Variants in AFTPH observed in about 807,000 individuals in gnomAD.
AFTPH encodes the protein aftiphilin.
Under a neutral mutation model 72.5 loss-of-function variants are expected in AFTPH, and 7 were observed. The observed-to-expected ratio is 0.10, with a 90% confidence interval of 0.05 to 0.18. The LOEUF (loss-of-function observed/expected upper bound fraction) is 0.18. Among genes scored for constraint, AFTPH ranks in the 10% least tolerant of loss-of-function variants. AFTPH has a pLI of 1.00. For synonymous variants in AFTPH, 337 were observed against 370.1 expected (o/e 0.91, Z 1.03); for missense variants, 979 against 1,060.5 (o/e 0.92, Z 1.07).
intron 1 of AFTPH, among the ~76,000 whole-genome samples, chr2:64,534,010 G>GAATCTTTACATTAAAT (rs1306352297): frequency 5.9e-5 from 9 of 152,050 alleles, no homozygotes; most frequent in African/African-American, 1.2e-4. Flanking sequence ...ATTTTAGTGA[G>GAATCTTTACATTAAAT]GCCACAGTTT....
chr2:64,538,111 CT>C (rs912130909), intron 1 of AFTPH, among the ~76,000 whole-genome samples: 113 of 149,470 alleles, frequency 7.6e-4, no homozygotes, highest in Middle Eastern at 6.9e-3. Flanking sequence ...TTTGGCGAAA[CT>C]TTTTTTTTTA....
At chr2:64,532,528 T>G (rs1669684535) in intron 1 of AFTPH, among the ~76,000 whole-genome samples, 1 of 152,008 alleles carries the variant, frequency 6.6e-6, no homozygotes, top group Non-Finnish European at 1.5e-5. Flanking sequence ...ATTTGTGAGG[T>G]GAAATCATTT....
rs375270164 is a variant in AFTPH, at chr2:64,557,687, A to G, written c.1935+4278A>G. 3.7e-4 allele frequency among the ~76,000 whole-genome samples: 56 copies of G among 152,330 alleles called. 2 individuals carry two copies. In the South Asian group the frequency reaches 0.011, roughly 30 times the overall value. On this transcript the variant is annotated intron_variant, in intron 2 of 8. Transcript: ENST00000238856. ...CCTACCTTTTCATCTTCACTTATTT[A>G]GTCATCTAGCTAATATTTATGCAGG...
intron 2 of AFTPH, among the ~76,000 whole-genome samples, chr2:64,561,021 G>A (rs1472409050): frequency 6.6e-6 from 1 of 152,210 alleles, no homozygotes; most frequent in Non-Finnish European, 1.5e-5. Context: ...ATTCAGAATG[G>A]TTTTTGATAG....
chr2:64,556,752 G>A (rs184536349), intron 2 of AFTPH, among the ~76,000 whole-genome samples: 494 of 152,310 alleles, frequency 3.2e-3, no homozygotes, highest in Non-Finnish European at 3.8e-3. Flanking sequence ...TTAAAAAAAT[G>A]TTCGTAGTCT....
chr2:64,543,668 A>C (rs1043732210), intron 1 of AFTPH, among the ~76,000 whole-genome samples: 2 of 152,200 alleles, frequency 1.3e-5, no homozygotes, highest in Admixed American at 6.5e-5. Context: ...CTTTATCACA[A>C]GACCATGTGA....
At chr2:64,550,169 A>G (rs1269452753) in intron 1 of AFTPH, among the ~76,000 whole-genome samples, 6 of 152,198 alleles carry the variant, frequency 3.9e-5, no homozygotes, top group South Asian at 2.1e-4. Flanking sequence ...GAAACAACCC[A>G]CATATCCTAT....
At chr2:64,572,611 T>C (rs905154199) in intron 5 of AFTPH, among the ~76,000 whole-genome samples, 1 of 152,214 alleles carries the variant, frequency 6.6e-6, no homozygotes, top group African/African-American at 2.4e-5. Context: ...TGATTTAAAA[T>C]ACAAAGTCTT....
At chr2:64,592,099 G>T in exon 9 of AFTPH, 3 of 933,628 alleles carry the variant, frequency 3.2e-6, no homozygotes, top group Non-Finnish European at 4.7e-6. Flanking sequence ...ACCATCAAAA[G>T]CATACCTGCT....
chr2:64,574,888 C>T (rs367772974), intron 6 of AFTPH, among the ~76,000 whole-genome samples: 23 of 152,354 alleles, frequency 1.5e-4, no homozygotes, highest in African/African-American at 3.1e-4. Flanking sequence ...ACCTTTCCCA[C>T]GGCACATTTT....
At chr2:64,577,550 G>A (rs561994490) in intron 6 of AFTPH, among the ~76,000 whole-genome samples, 10 of 152,270 alleles carry the variant, frequency 6.6e-5, no homozygotes, top group African/African-American at 9.6e-5. Flanking sequence ...TTCAGAAATC[G>A]TTATTGTATA....
intron 1 of AFTPH, among the ~76,000 whole-genome samples, chr2:64,547,120 A>G (rs955554210): frequency 4.6e-5 from 7 of 152,204 alleles, no homozygotes; most frequent in Non-Finnish European, 8.8e-5. Context: ...CATTGCTGCT[A>G]TAGTGAATCT....
intron 2 of AFTPH, 122 bp downstream of exon 2, chr2:64,553,531 T>A: frequency 9.4e-7 from 1 of 1,060,464 alleles, no homozygotes; most frequent in Non-Finnish European, 1.3e-6. Context: ...TTATGATGTA[T>A]AATGCCTGTC....
intron 6 of AFTPH, among the ~76,000 whole-genome samples, chr2:64,575,741 G>A (rs28710212): frequency 0.6 from 76,428 of 128,004 alleles, 21,972 homozygotes; most frequent in African/African-American, 0.82. Context: ...GTGTGTGTGT[G>A]TATATATTTT....
exon 9 of AFTPH, chr2:64,592,605 T>C (rs1673891025): frequency 6.6e-6 from 1 of 152,426 alleles, no homozygotes; most frequent in Non-Finnish European, 1.5e-5. Flanking sequence ...GCAAGGTACT[T>C]AATTGCTCTT....
At chr2:64,585,990 C>T (rs6747349) in intron 8 of AFTPH, among the ~76,000 whole-genome samples, 27,929 of 152,096 alleles carry the variant, frequency 0.18, 3,383 homozygotes, top group African/African-American at 0.35. Context: ...TGACATGCAC[C>T]TCTGATTTGG....
intron 1 of AFTPH, among the ~76,000 whole-genome samples, chr2:64,532,985 G>C (rs756234): frequency 6.6e-6 from 1 of 151,942 alleles, no homozygotes; most frequent in Non-Finnish European, 1.5e-5. Flanking sequence ...ATAATCTTAC[G>C]TAATGCTTAT....
chr2:64,567,633 A>T, exon 3 of AFTPH: 1 of 1,613,726 alleles, frequency 6.2e-7, no homozygotes. Flanking sequence ...CTGATGCTGA[A>T]GAGGAAGTTA....
chr2:64,538,121 T>A (rs557059468), intron 1 of AFTPH, among the ~76,000 whole-genome samples: 26 of 152,204 alleles, frequency 1.7e-4, no homozygotes, highest in African/African-American at 2.9e-4. Context: ...CTTTTTTTTT[T>A]AAAATGTATG....
Sources: allele counts gnomAD v4.1 joint callset (sites outside exome capture counted in the v4.1 genomes callset), GRCh38; gene constraint gnomAD v4.1.1; transcripts MANE v1.5; gene names NCBI Gene and HGNC (gene_info 2026-07-23, HGNC 2026-07-21).